Variants in CLDN10 observed in about 807,000 individuals in gnomAD.
The protein encoded by CLDN10 is claudin 10, also known as claudin-10.
Under a neutral mutation model 22.9 loss-of-function variants are expected in CLDN10, and 15 were observed. The ratio of observed to expected loss-of-function variants is 0.65; its 90% confidence interval spans 0.44 to 1.01. The LOEUF (loss-of-function observed/expected upper bound fraction) is 1.01. Ranked by LOEUF, CLDN10 falls within the 50% of genes least tolerant of loss-of-function variation. The pLI is 0.00. For missense variants in CLDN10, 247 were observed against 287.8 expected, an observed-to-expected ratio of 0.86 and a Z score of 1.03; for synonymous variants, 114 against 111.4, an observed-to-expected ratio of 1.02 and a Z score of -0.15.
At chr13:95,496,508 A>T (rs1027207111) in intron 1 of CLDN10, among the ~76,000 whole-genome samples, 2 of 152,192 alleles carry the variant, frequency 1.3e-5, no homozygotes, top group Non-Finnish European at 1.5e-5. Flanking sequence ...ATTACAAAAT[A>T]CCATAGACTG....
upstream of CLDN10, chr13:95,552,574 A>T: frequency 2.9e-6 from 1 of 342,166 alleles, no homozygotes; most frequent in Non-Finnish European, 4.1e-6. Flanking sequence ...AGGCCCCTCA[A>T]GGGACAGGGC....
chr13:95,555,585 C>T (rs1035310180), intron 1 of CLDN10, among the ~76,000 whole-genome samples: 4 of 152,216 alleles, frequency 2.6e-5, no homozygotes, highest in Non-Finnish European at 5.9e-5. Flanking sequence ...TTTTCTCACA[C>T]AGGACTTTGA....
intron 1 of CLDN10, among the ~76,000 whole-genome samples, chr13:95,514,517 A>G (rs564067459): frequency 6.6e-6 from 1 of 151,994 alleles, no homozygotes; most frequent in African/African-American, 2.4e-5. Flanking sequence ...TATGGAGATA[A>G]TATTTAAACA....
intron 1 of CLDN10, among the ~76,000 whole-genome samples, chr13:95,461,483 T>G (rs192643164): frequency 1.3e-5 from 2 of 152,338 alleles, no homozygotes; most frequent in Admixed American, 1.3e-4. Flanking sequence ...TTTGACTTTT[T>G]TTGTTCTATG....
At chr13:95,552,705 C>A, upstream of CLDN10, 1 of 1,551,126 alleles carries the variant, frequency 6.4e-7, no homozygotes, top group East Asian at 2.4e-5. Context: ...GTGCGGGGGT[C>A]GCGGCGCAGA....
chr13:95,472,862 C>T (rs2139103934), intron 1 of CLDN10, among the ~76,000 whole-genome samples: 1 of 152,058 alleles, frequency 6.6e-6, no homozygotes, highest in East Asian at 1.9e-4. Flanking sequence ...GCTCTCTGTC[C>T]TGGTGCAGTG....
chr13:95,489,380 G>A (rs1265680457), intron 1 of CLDN10, among the ~76,000 whole-genome samples: 1 of 151,950 alleles, frequency 6.6e-6, no homozygotes, highest in Non-Finnish European at 1.5e-5. Flanking sequence ...CCATGCCAAC[G>A]TCTACTGGTT....
rs142361752 is a variant in CLDN10, at chr13:95,567,066, C to G, written c.464+6603C>G. On this transcript the variant is annotated intron_variant, in intron 3 of 4. Transcript: ENST00000299339. ...AAGTCAGGTAGCGTGATGCCTCCAGCTTTGTTCTTTTTGCTTAGGATTGTC... is the reference window on the plus strand; with the variant it reads ...AAGTCAGGTAGCGTGATGCCTCCAGGTTTGTTCTTTTTGCTTAGGATTGTC... Among the ~76,000 whole-genome samples the G allele has an allele frequency of 7.6e-3, 1,156 of 152,220 alleles. 16 individuals carry two copies. The highest frequency in any genetic ancestry group is 0.026 in the African/African-American group (1,087 of 41,518).
chr13:95,504,772 A>G (rs2043021381), intron 1 of CLDN10, among the ~76,000 whole-genome samples: 1 of 152,184 alleles, frequency 6.6e-6, no homozygotes, highest in African/African-American at 2.4e-5. Flanking sequence ...TCCTGAGCTC[A>G]AGTGATCCCC....
intron 1 of CLDN10, among the ~76,000 whole-genome samples, chr13:95,475,786 ATC>A (rs142207612): frequency 9.9e-5 from 12 of 121,230 alleles, no homozygotes; most frequent in Admixed American, 2.4e-4. Flanking sequence ...GGGTCCCTGC[ATC>A]TCTCTCTCTC....
In CLDN10 at chr13:95,560,774, C is replaced by T. The variant is rs185670386; in HGVS notation, c.464+311C>T. 1,299 of 277,188 alleles carry T rather than the reference C, an allele frequency of 4.7e-3. 3 individuals carry two copies. The highest frequency in any genetic ancestry group is 8.6e-3 in the Admixed American group (173 of 20,076). The allele number at this position is 277,188 out of a possible 1,614,324, so 17.2% of individuals were successfully genotyped here. On this transcript the variant is annotated intron_variant, in intron 3 of 4. Transcript: ENST00000299339. ...TAGAGGAAACGTGAAAGGTGTCAGA[C>T]GGAGAGGAAAGAATGATGCGGTGTG... is the stretch of plus-strand genomic sequence containing the variant.
chr13:95,506,956 A>T (rs1393875462), intron 1 of CLDN10, among the ~76,000 whole-genome samples: 1 of 152,160 alleles, frequency 6.6e-6, no homozygotes, highest in Non-Finnish European at 1.5e-5. Flanking sequence ...CGGGCTGAAC[A>T]TAGAACCCTG....
Position 95,579,563 on chromosome 13 carries a change from A to G in CLDN10, c.*1549A>G, listed in dbSNP as rs2043985805. 1 of 152,222 alleles carries G rather than the reference A, an allele frequency of 6.6e-6. No individual in the cohort carries two copies. Among genetic ancestry groups the G allele is most frequent in the Non-Finnish European group, 1.5e-5 (1 of 68,044 alleles). The allele number at this position is 152,222 out of a possible 1,614,324, so 9.4% of individuals were successfully genotyped here. ...GGGTAAAATATAGTTTCAAAGTATG[A>G]ATAAGAATTGGTATTTGTGTTATCT... On this transcript the variant is annotated 3_prime_UTR_variant, in exon 5 of 5. Coordinates refer to ENST00000299339, the MANE Select transcript of CLDN10 (RefSeq NM_006984.5).
intron 1 of CLDN10, among the ~76,000 whole-genome samples, chr13:95,509,349 C>T (rs2043071816): frequency 6.6e-6 from 1 of 152,118 alleles, no homozygotes; most frequent in African/African-American, 2.4e-5. Flanking sequence ...TGAAGACCAG[C>T]CCCTCCCTGT....
At chr13:95,444,195 ATCT>A (rs1264343112) in intron 1 of CLDN10, among the ~76,000 whole-genome samples, 1 of 152,224 alleles carries the variant, frequency 6.6e-6, no homozygotes, top group Non-Finnish European at 1.5e-5. Context: ...AGTGAGGAAC[ATCT>A]TCTGAGCAAA....
At chr13:95,471,351 G>GAT (rs201875554) in intron 1 of CLDN10, among the ~76,000 whole-genome samples, 129 of 122,178 alleles carry the variant, frequency 1.1e-3, no homozygotes, top group African/African-American at 4.0e-3. Context: ...CTGACTTATG[G>GAT]ATATATATGT....
At chr13:95,495,838 T>C (rs1012147389) in intron 1 of CLDN10, among the ~76,000 whole-genome samples, 2 of 151,830 alleles carry the variant, frequency 1.3e-5, no homozygotes, top group Non-Finnish European at 2.9e-5. Flanking sequence ...GCAGTAAATA[T>C]GACGCTTTTC....
chr13:95,532,284 A>G (rs1236753151), intron 1 of CLDN10, among the ~76,000 whole-genome samples: 1 of 152,216 alleles, frequency 6.6e-6, no homozygotes, highest in African/African-American at 2.4e-5. Flanking sequence ...CCTGGTATAG[A>G]AACAGCTCTT....
At chr13:95,481,786 G>A (rs779107528) in intron 1 of CLDN10, among the ~76,000 whole-genome samples, 8 of 152,148 alleles carry the variant, frequency 5.3e-5, no homozygotes, top group African/African-American at 9.7e-5. Context: ...TTGGGAAGCC[G>A]AAGTGAGTGG....
Sources: gnomAD v4.1 joint callset for allele counts (sites outside exome capture counted in the v4.1 genomes callset) on GRCh38, gnomAD v4.1.1 for gene constraint, MANE v1.5 for transcripts, NCBI Gene and HGNC (gene_info 2026-07-23, HGNC 2026-07-21) for gene names.